Variants in OPRM1 observed in about 807,000 individuals in gnomAD.
The protein encoded by OPRM1 is opioid receptor mu 1.
A neutral mutation model predicts 31.8 loss-of-function variants in OPRM1; 27 were observed. That is an observed-to-expected ratio of 0.85 (90% CI 0.63 to 1.17). The LOEUF is 1.17. OPRM1 is among the 50% of genes most tolerant of loss of function. OPRM1 has a pLI of 0.00. For missense variants in OPRM1, 536 were observed against 511.1 expected (o/e 1.05, Z -0.47); for synonymous variants, 196 against 189.9 (o/e 1.03, Z -0.26).
chr6:154,210,194 T>C (rs987068785), intron 3 of OPRM1, among the ~76,000 whole-genome samples: 2 of 152,216 alleles, frequency 1.3e-5, no homozygotes, highest in Admixed American at 1.3e-4. Context: ...GTTGCTTTTA[T>C]TTCACCAGTG....
At position 154,118,744 on chromosome 6, in the gene OPRM1, C is replaced by A; in HGVS notation, c.*23C>A. ...TAACAGGGTCTCATGCCATTCCGAC[C>A]TTCACCAAGCTTAGAAGCCACCATG... On this transcript the variant is annotated 3_prime_UTR_variant, in exon 4 of 4. Coordinates refer to ENST00000330432, the MANE Select transcript of OPRM1 (RefSeq NM_000914.5). 1 of 1,612,480 alleles carries A rather than the reference C, an allele frequency of 6.2e-7. No individual in the cohort carries two copies. The highest frequency in any genetic ancestry group is 8.5e-7 in the Non-Finnish European group (1 of 1,179,392).
At position 154,064,525 on chromosome 6, in the gene OPRM1, G is replaced by C. The variant is rs529558900; in HGVS notation, c.290+24691G>C. ...CAATGTGTCCATGTTTGCTTTTGTT[G>C]CCTGTGCCTTTAGTATCATATCCAA... On this transcript the variant is annotated intron_variant, in intron 1 of 3. Transcript: ENST00000330432. Among the ~76,000 whole-genome samples, 3 of 152,212 alleles carry C rather than the reference G, an allele frequency of 2.0e-5. No homozygotes were observed. The East Asian group carries it at 5.8e-4, about 29-fold the overall frequency.
chr6:154,016,026 A>G (rs1282794809), intron 1 of OPRM1, among the ~76,000 whole-genome samples: 1 of 152,070 alleles, frequency 6.6e-6, no homozygotes, highest in African/African-American at 2.4e-5. Flanking sequence ...AAAATGTACA[A>G]TTTCCAAGGA....
intron 3 of OPRM1, among the ~76,000 whole-genome samples, chr6:154,145,997 T>C (rs6904856): frequency 0.78 from 119,109 of 152,278 alleles, 47,396 homozygotes; most frequent in East Asian, 0.95. Context: ...AAAAGTATCA[T>C]ACTGTCCTTG....
At chr6:154,186,874 A>G (rs1479987275) in intron 3 of OPRM1, among the ~76,000 whole-genome samples, 1 of 151,942 alleles carries the variant, frequency 6.6e-6, no homozygotes, top group Non-Finnish European at 1.5e-5. Flanking sequence ...CTCTTTTCAA[A>G]TTTCAGTGAG....
intron 3 of OPRM1, among the ~76,000 whole-genome samples, chr6:154,229,775 C>G (rs1190218970): frequency 6.6e-6 from 1 of 152,184 alleles, no homozygotes; most frequent in Non-Finnish European, 1.5e-5. Context: ...GCATGCAAAT[C>G]GTTATAACAG....
chr6:154,114,826 A>C (rs960239789), intron 3 of OPRM1, among the ~76,000 whole-genome samples: 10 of 151,880 alleles, frequency 6.6e-5, no homozygotes, highest in African/African-American at 2.2e-4. Flanking sequence ...CATTGTATTT[A>C]AGTCCTTGGT....
chr6:154,219,284 GT>G (rs1433197147), intron 3 of OPRM1: 1 of 151,940 alleles, frequency 6.6e-6, no homozygotes, highest in African/African-American at 2.4e-5. Context: ...AGAAGCAATT[GT>G]TTCTCTGCTA....
Position 154,128,560 on chromosome 6 carries a change from T to A in OPRM1, c.*9839T>A, listed in dbSNP as rs612512. ...ATTAAAATATGGGCACCTCTTTTAA[T>A]TCTTTTTTTTCTCATAATAAGTTTG... is the stretch of plus-strand genomic sequence containing the variant. On this transcript the variant is annotated 3_prime_UTR_variant, in exon 4 of 4. Transcript: ENST00000330432. 6.6e-6 allele frequency among the ~76,000 whole-genome samples: 1 copy of A among 152,012 alleles called. No individual in the cohort carries two copies.
chr6:154,148,418 C>G (rs576753438), intron 3 of OPRM1, among the ~76,000 whole-genome samples: 3 of 152,360 alleles, frequency 2.0e-5, no homozygotes, highest in South Asian at 4.1e-4. Context: ...CCAGCAGCAG[C>G]AGTAGCTTGC....
intron 3 of OPRM1, among the ~76,000 whole-genome samples, chr6:154,161,215 A>ATTT (rs778278528): frequency 1.5e-5 from 2 of 133,848 alleles, no homozygotes; most frequent in Non-Finnish European, 3.2e-5. Context: ...TTTTCTTTTC[A>ATTT]TTTTTTTTTT....
Position 154,118,666 on chromosome 6 carries a change from T to C in OPRM1, c.1165-17T>C, listed in dbSNP as rs1247917616. ...TATCTGAAATGTTCACTGTCTTTGC[T>C]CTTTCTCTCCTTTCAGCTAGAAAAT... On this transcript the variant is annotated splice_polypyrimidine_tract_variant and intron_variant, in intron 3 of 3. Transcript: ENST00000330432. 6.2e-7 allele frequency: 1 copy of C among 1,612,666 alleles called. No individual in the cohort carries two copies. The highest frequency in any genetic ancestry group is 1.3e-5 in the African/African-American group (1 of 74,896).
chr6:154,246,642 C>G (rs1781067978), intron 3 of OPRM1: 4 of 1,614,094 alleles, frequency 2.5e-6, no homozygotes, highest in African/African-American at 2.7e-5. Flanking sequence ...TCACCCAGAA[C>G]TTTTTCCATT....
intron 1 of OPRM1, among the ~76,000 whole-genome samples, chr6:154,016,995 T>C (rs1778041027): frequency 6.6e-6 from 1 of 152,218 alleles, no homozygotes; most frequent in Non-Finnish European, 1.5e-5. Context: ...GTTTATGTAA[T>C]CAAATACAAA....
intron 1 of OPRM1, among the ~76,000 whole-genome samples, chr6:154,028,394 T>C (rs1461920080): frequency 6.6e-6 from 1 of 151,830 alleles, no homozygotes; most frequent in African/African-American, 2.4e-5. Flanking sequence ...TCTCGTAGAG[T>C]GGAGAAAAGG....
At chr6:154,241,622 T>G (rs1583885536) in intron 3 of OPRM1, among the ~76,000 whole-genome samples, 1 of 152,298 alleles carries the variant, frequency 6.6e-6, no homozygotes, top group East Asian at 1.9e-4. Flanking sequence ...TTTATTTGCG[T>G]AGTGCGCCCT....
In OPRM1 at chr6:154,152,372, G is replaced by T. The variant is rs955799745; in HGVS notation, c.1164+60900G>T. Among the ~76,000 whole-genome samples the T allele has an allele frequency of 2.7e-5, 4 of 149,406 alleles. No homozygotes were observed. The Middle Eastern group carries it at 0.01, about 384-fold the overall frequency. On this transcript the variant is annotated intron_variant, in intron 3 of 3. Coordinates refer to the OPRM1 transcript ENST00000337049. ...GGAAAGAAAGAAAGAAAGAAAGAAA[G>T]AAAGAAAGAAAGAAAGAAAGAGAAA...
chr6:154,164,815 C>T (rs149212326), intron 3 of OPRM1, among the ~76,000 whole-genome samples: 1 of 152,178 alleles, frequency 6.6e-6, no homozygotes, highest in African/African-American at 2.4e-5. Context: ...TAAAAGCAGA[C>T]TTAGCCAAAA....
intron 1 of OPRM1, among the ~76,000 whole-genome samples, chr6:154,052,338 T>C (rs867746124): frequency 1.3e-5 from 2 of 152,148 alleles, no homozygotes; most frequent in East Asian, 3.9e-4. Context: ...GAACTTAGAG[T>C]AAAATAAAAT....
Sources: allele counts gnomAD v4.1 joint callset (sites outside exome capture counted in the v4.1 genomes callset), GRCh38; gene constraint gnomAD v4.1.1; transcripts MANE v1.5; gene names NCBI Gene and HGNC (gene_info 2026-07-23, HGNC 2026-07-21).